The following NRG4 variants were observed in gnomAD, a reference collection of about 807,000 sequenced individuals.
The protein encoded by NRG4 is pro-neuregulin-4, membrane-bound isoform.
NRG4 carries 10 observed loss-of-function variants against 15.0 expected under a neutral mutation model. The observed-to-expected ratio is 0.67, with a 90% CI of 0.41 to 1.13. The LOEUF is 1.13. Among genes scored for constraint, NRG4 ranks in the 50% most tolerant of loss-of-function variants. The pLI, the probability that NRG4 is intolerant of heterozygous loss-of-function variation, is 0.00. For missense variants in NRG4, 139 were observed against 140.2 expected, an observed-to-expected ratio of 0.99 and a Z score of 0.04; for synonymous variants, 41 against 50.1, an observed-to-expected ratio of 0.82 and a Z score of 0.77.
intron 5 of NRG4, among the ~76,000 whole-genome samples, chr15:76,026,794 A>C (rs1055777519): frequency 6.6e-6 from 1 of 152,198 alleles, no homozygotes; most frequent in East Asian, 1.9e-4. Flanking sequence ...TAAATACTCC[A>C]TTTAAAAGAT....
chr15:76,006,676 C>G (rs189630301), intron 3 of NRG4, among the ~76,000 whole-genome samples: 41 of 152,336 alleles, frequency 2.7e-4, no homozygotes, highest in Middle Eastern at 6.8e-3. Flanking sequence ...CTCCCAATTA[C>G]TACTTTTACA....
At chr15:76,030,890 A>G (rs1300946656) in intron 5 of NRG4, among the ~76,000 whole-genome samples, 4 of 152,204 alleles carry the variant, frequency 2.6e-5, no homozygotes, top group African/African-American at 9.6e-5. Flanking sequence ...ATTTTTCTGA[A>G]GCCAACATAA....
chr15:75,952,264 C>A lies in NRG4; in HGVS notation c.331+3668G>T, dbSNP rs115783902. On this transcript the variant is annotated intron_variant, in intron 5 of 5. Coordinates refer to ENST00000394907, the MANE Select transcript of NRG4 (RefSeq NM_138573.4). ...TCCCCCCATTTCCTCCAATCCTAGG[C>A]AAACATTAATCTACTGTCTGTCTCT... Among the ~76,000 whole-genome samples the A allele has an allele frequency of 2.4e-3, 360 of 152,266 alleles. 2 individuals carry two copies. Among genetic ancestry groups the A allele is most frequent in the African/African-American group, 8.3e-3 (344 of 41,564 alleles).
intron 4 of NRG4, among the ~76,000 whole-genome samples, chr15:76,038,373 G>A (rs2035645307): frequency 6.6e-6 from 1 of 152,190 alleles, no homozygotes; most frequent in Non-Finnish European, 1.5e-5. Flanking sequence ...GGCCAGAGGG[G>A]ACCCCACTTC....
rs544075336 is a variant in NRG4 at position 75,977,448 on chromosome 15, G to A, written c.105-15474C>T. On this transcript the variant is annotated intron_variant, in intron 3 of 5. Coordinates refer to ENST00000394907, the MANE Select transcript of NRG4 (RefSeq NM_138573.4). This position sits in a 1 kb window ranked among gnomAD's most constrained non-coding sequence, Gnocchi z 4.9. ...GCTTGAAATCCAGGGCCCTGGTGGT[G>A]TAGGCACCCGAGGGAATCTCCTGGT... Among the ~76,000 whole-genome samples the A allele has an allele frequency of 3.2e-4, 49 of 152,204 alleles. No homozygotes were observed. Among genetic ancestry groups the A allele is most frequent in the Non-Finnish European group, 6.0e-4 (41 of 68,032 alleles).
chr15:76,003,576 T>A lies in NRG4; in HGVS notation c.104+5624A>T, dbSNP rs200352310. On this transcript the variant is annotated intron_variant, in intron 3 of 5. Transcript: ENST00000394907. The stretch of plus-strand genomic sequence containing the variant: ...ATTTGATGAAAGACATTAATATAAA[T>A]ATCCAAAAAGGTTAATGAACTCCAA... 1.9e-4 allele frequency among the ~76,000 whole-genome samples: 29 copies of A among 152,178 alleles called. 1 individual carries two copies. In the East Asian group the frequency reaches 3.1e-3, roughly 16 times the overall value.
intron 3 of NRG4, among the ~76,000 whole-genome samples, chr15:75,989,256 T>C (rs2033917853): frequency 6.6e-6 from 1 of 152,214 alleles, no homozygotes. Context: ...TTCTAAGCTT[T>C]CTTCATTCCT....
chr15:76,022,670 C>T (rs1012701823), intron 5 of NRG4, among the ~76,000 whole-genome samples: 20 of 151,806 alleles, frequency 1.3e-4, no homozygotes, highest in South Asian at 6.2e-4. Flanking sequence ...TGTAGGAGGG[C>T]GGGATGGTGG....
At chr15:76,051,541 G>A (rs2036016400) in intron 4 of NRG4, among the ~76,000 whole-genome samples, 1 of 148,542 alleles carries the variant, frequency 6.7e-6, no homozygotes, top group African/African-American at 2.5e-5. Flanking sequence ...TAAATAAATA[G>A]TTAACATATA....
At chr15:75,979,596 A>G (rs1488112973) in intron 3 of NRG4, among the ~76,000 whole-genome samples, 1 of 152,170 alleles carries the variant, frequency 6.6e-6, no homozygotes, top group African/African-American at 2.4e-5. Flanking sequence ...TGAATTGCAT[A>G]AGACCAGTAA....
At chr15:76,046,187 G>A (rs1295169891) in intron 4 of NRG4, among the ~76,000 whole-genome samples, 1 of 150,840 alleles carries the variant, frequency 6.6e-6, no homozygotes, top group South Asian at 2.1e-4. Flanking sequence ...TGAAACTGAT[G>A]AAAGAAATTG....
chr15:76,027,905 C>T (rs2035358495), intron 5 of NRG4, among the ~76,000 whole-genome samples: 1 of 152,052 alleles, frequency 6.6e-6, no homozygotes, highest in African/African-American at 2.4e-5. Flanking sequence ...GGAAATTAAA[C>T]ACCACCCTGC....
At position 76,009,241 on chromosome 15, in the gene NRG4, C is replaced by G; in HGVS notation, c.63G>C (p.Gly21=). The G allele has an allele frequency of 6.2e-7, 1 of 1,603,814 alleles. No individual in the cohort carries two copies. The highest frequency in any genetic ancestry group is 1.1e-5 in the South Asian group (1 of 90,460). ...PSHKSFCLNG[G]LCYVIPTIPS... is the part of the protein sequence containing the mutation. ...GAATAGTAGGTATCACATAACAAAG[C>G]CCCCCATTCAGGCAAAACGACTTGT... Residue 21 remains glycine (G), a synonymous_variant, in exon 3 of 6, where the codon GGG becomes GGC. Transcript: ENST00000394907.
intron 2 of NRG4, 81 bp downstream of exon 2, chr15:76,011,140 T>G: frequency 8.9e-7 from 1 of 1,127,112 alleles, no homozygotes; most frequent in East Asian, 2.9e-5. Flanking sequence ...AATACAGCCT[T>G]GTGTTAATAT....
At chr15:76,054,534 C>T (rs138649534) in intron 2 of NRG4, among the ~76,000 whole-genome samples, 1 of 152,324 alleles carries the variant, frequency 6.6e-6, no homozygotes, top group African/African-American at 2.4e-5. Context: ...CTGGCCTCAG[C>T]CTCCTAAGTA....
chr15:75,995,700 C>T (rs1316086875), intron 3 of NRG4, among the ~76,000 whole-genome samples: 1 of 152,114 alleles, frequency 6.6e-6, no homozygotes, highest in African/African-American at 2.4e-5. Flanking sequence ...ATTATAAAGT[C>T]AATGGATCAG....
chr15:76,054,894 C>G (rs765880425), intron 2 of NRG4, among the ~76,000 whole-genome samples: 6 of 152,256 alleles, frequency 3.9e-5, no homozygotes, highest in Non-Finnish European at 8.8e-5. Flanking sequence ...AACATTACAC[C>G]TCTTTTCTTG....
At chr15:75,970,960 G>A (rs1390097991) in intron 3 of NRG4, among the ~76,000 whole-genome samples, 1 of 152,210 alleles carries the variant, frequency 6.6e-6, no homozygotes, top group Admixed American at 6.5e-5. Context: ...ATGACCAGGT[G>A]TCCTGTCAAA....
At chr15:76,027,268 G>T (rs2035340455) in intron 5 of NRG4, among the ~76,000 whole-genome samples, 1 of 151,816 alleles carries the variant, frequency 6.6e-6, no homozygotes, top group Non-Finnish European at 1.5e-5. Flanking sequence ...AAACAAGCAG[G>T]AATATCTATA....
Sources: allele counts gnomAD v4.1 joint callset (sites outside exome capture counted in the v4.1 genomes callset), GRCh38; gene constraint gnomAD v4.1.1; non-coding constraint Gnocchi (gnomAD v3.1); transcripts MANE v1.5; gene names NCBI Gene and HGNC (gene_info 2026-07-23, HGNC 2026-07-21).